The following GORASP1 variants were observed in gnomAD, a reference collection of about 807,000 sequenced individuals.
The protein encoded by GORASP1 is golgi reassembly stacking protein 1, also known as Golgi reassembly-stacking protein 1.
A neutral mutation model predicts 37.7 loss-of-function variants in GORASP1; 31 were observed. The ratio of observed to expected loss-of-function variants is 0.82; its 90% CI spans 0.62 to 1.11. The LOEUF is 1.11. GORASP1 is among the 50% of genes least tolerant of loss of function. GORASP1 has a pLI of 0.00. For missense variants in GORASP1, 476 were observed against 560.7 expected, an observed-to-expected ratio of 0.85 and a Z score of 1.53; for synonymous variants, 204 against 224.8, an observed-to-expected ratio of 0.91 and a Z score of 0.83.
At chr3:39,104,996 G>A (rs1389548047) in intron 1 of GORASP1, among the ~76,000 whole-genome samples, 1 of 152,146 alleles carries the variant, frequency 6.6e-6, no homozygotes, top group Non-Finnish European at 1.5e-5. Context: ...TCCACGTCAG[G>A]TGCCTGCCTA....
chr3:39,101,993 C>G (rs890371792), intron 3 of GORASP1, among the ~76,000 whole-genome samples: 1 of 152,162 alleles, frequency 6.6e-6, no homozygotes, highest in African/African-American at 2.4e-5. Context: ...CCAGAAAAAA[C>G]AGTATATTTA....
chr3:39,100,321 T>C lies in GORASP1; in HGVS notation c.749A>G (p.Gln250Arg), dbSNP rs2035613541. The change falls in exon 6 of 9, where the codon CAG (glutamine) becomes CGG (arginine). Residue 250 changes from glutamine (Q) to arginine (R), a missense_variant. Transcript: ENST00000319283. This position sits in a 1 kb window ranked among gnomAD's most constrained non-coding sequence, Gnocchi z 4.6. ...DSPSLETGSR[Q>R]SDYMEALLQA... The stretch of plus-strand genomic sequence containing the variant: ...CCCACATACCTCCATGTAGTCACTC[T>C]GCCTGGAACCTGTCTCCAGGGAAGG... The C allele has an allele frequency of 6.2e-7, 1 of 1,614,158 alleles. No individual in the cohort carries two copies. The highest frequency in any genetic ancestry group is 8.5e-7 in the Non-Finnish European group (1 of 1,180,000).
rs187841860 is a variant in GORASP1, at chr3:39,105,576, T to G, written c.63+1903A>C. Among the ~76,000 whole-genome samples, 609 of 152,272 alleles carry G rather than the reference T, an allele frequency of 4.0e-3. 3 individuals are homozygous for G. The highest frequency in any genetic ancestry group is 6.8e-3 in the Non-Finnish European group (461 of 68,016). On this transcript the variant is annotated intron_variant, in intron 1 of 8. Transcript: ENST00000319283. The surrounding 1 kb of genome is among the most constrained non-coding windows in gnomAD (Gnocchi z 5.4). The stretch of plus-strand genomic sequence containing the variant: ...CCACTGCCCTCTCCTAACAGCTGTT[T>G]CCTGGTGAATCTGCCACTACTCTAA...
Position 39,098,068 on chromosome 3 carries a change from G to T in GORASP1, c.*168C>A. 2 of 770,846 alleles carry T rather than the reference G, an allele frequency of 2.6e-6. No homozygotes were observed. The highest frequency in any genetic ancestry group is 4.1e-6 in the Non-Finnish European group (2 of 487,858). 47.8% of individuals were successfully genotyped at this position (770,846 alleles called of 1,614,324 possible). ...CAAGCACTGGACCTGAGGGTACACG[G>T]CCAAAAGATATCCTCCCACAAGGCC... On this transcript the variant is annotated 3_prime_UTR_variant, in exon 9 of 9. Transcript: ENST00000319283. This position sits in a 1 kb window ranked among gnomAD's most constrained non-coding sequence, Gnocchi z 4.7.
At position 39,098,234 on chromosome 3, in the gene GORASP1, T is replaced by G. The variant is rs1295077863; in HGVS notation, c.*2A>C. 1 of 1,613,376 alleles carries G rather than the reference T, an allele frequency of 6.2e-7. No homozygotes were observed. The highest frequency in any genetic ancestry group is 1.7e-5 in the Admixed American group (1 of 59,974). On this transcript the variant is annotated 3_prime_UTR_variant, in exon 9 of 9. Transcript: ENST00000319283. The surrounding 1 kb of genome is among the most constrained non-coding windows in gnomAD (Gnocchi z 4.7). ...TCATGGGCCTTGTCACAGCCCAGGG[T>G]GTTATTCTGTGGTAGAGATCTGGGC... is the stretch of plus-strand genomic sequence containing the variant.
chr3:39,100,681 G>A lies in GORASP1; in HGVS notation c.566+66C>T. ...TCCTCCATCTCCACCATAGAACTCT[G>A]AGGTCCATGCCCAATGGTCAGGCCC... On this transcript the variant is annotated intron_variant, in intron 5 of 8. Transcript: ENST00000319283. The surrounding 1 kb of genome is among the most constrained non-coding windows in gnomAD (Gnocchi z 4.6). The A allele has an allele frequency of 6.3e-7, 1 of 1,586,594 alleles. No homozygotes were observed. Among genetic ancestry groups the A allele is most frequent in the Non-Finnish European group, 8.6e-7 (1 of 1,166,152 alleles).
In GORASP1 at chr3:39,100,982, G is replaced by A. The variant is rs1361070386; in HGVS notation, c.435+34C>T. On this transcript the variant is annotated intron_variant, in intron 4 of 8. Transcript: ENST00000319283. This position sits in a 1 kb window ranked among gnomAD's most constrained non-coding sequence, Gnocchi z 4.6. ...CCCTTCTCTTCACACCACATCCAGA[G>A]GGTCTGGGGAGGGGCAAATTGCGGG... 1.2e-6 allele frequency: 2 copies of A among 1,613,640 alleles called. No individual in the cohort carries two copies. The highest frequency in any genetic ancestry group is 2.2e-5 in the South Asian group (2 of 91,076).
Position 39,098,095 on chromosome 3 carries a change from A to G in GORASP1, c.*141T>C, listed in dbSNP as rs1211149538. ...CAAAAGATATCCTCCCACAAGGCCC[A>G]TGGCCCCCTCTCACCACCCACTGAG... On this transcript the variant is annotated 3_prime_UTR_variant, in exon 9 of 9. Transcript: ENST00000319283. This position sits in a 1 kb window ranked among gnomAD's most constrained non-coding sequence, Gnocchi z 4.7. 4 of 981,774 alleles carry G rather than the reference A, an allele frequency of 4.1e-6. No homozygotes were observed. Among genetic ancestry groups the G allele is most frequent in the Non-Finnish European group, 6.0e-6 (4 of 663,720 alleles). 60.8% of individuals were successfully genotyped at this position (981,774 alleles called of 1,614,324 possible). A position where few individuals can be genotyped will look rare whatever the true frequency, so the allele number is the denominator to read the frequency against.
At position 39,098,161 on chromosome 3, in the gene GORASP1, T is replaced by C. The variant is rs2035450215; in HGVS notation, c.*75A>G. The C allele has an allele frequency of 2.0e-6, 3 of 1,530,186 alleles. No homozygotes were observed. Among genetic ancestry groups the C allele is most frequent in the Admixed American group, 1.8e-5 (1 of 55,870 alleles). 94.8% of individuals were successfully genotyped at this position (1,530,186 alleles called of 1,614,324 possible). A position where few individuals can be genotyped will look rare whatever the true frequency, so the allele number is the denominator to read the frequency against. ...AAAGCAGCAAGGAATCCTGACCGCATAGTGCAGCCCGGGCTGCCTGCCCAC... is the reference window on the plus strand; with the variant it reads ...AAAGCAGCAAGGAATCCTGACCGCACAGTGCAGCCCGGGCTGCCTGCCCAC... On this transcript the variant is annotated 3_prime_UTR_variant, in exon 9 of 9. Transcript: ENST00000319283. This position sits in a 1 kb window ranked among gnomAD's most constrained non-coding sequence, Gnocchi z 4.7.
In GORASP1 at chr3:39,098,976, C is replaced by T; in HGVS notation, c.917-83G>A. On this transcript the variant is annotated intron_variant, in intron 7 of 8. Transcript: ENST00000319283. This position sits in a 1 kb window ranked among gnomAD's most constrained non-coding sequence, Gnocchi z 4.7. ...CACCCTGGGCTCACCTTGCCTAGGG[C>T]ATCTGGCCCAGCCTGTGAGACTGTA... 1 of 1,538,046 alleles carries T rather than the reference C, an allele frequency of 6.5e-7. No individual in the cohort carries two copies. The highest frequency in any genetic ancestry group is 8.9e-7 in the Non-Finnish European group (1 of 1,126,164).
At position 39,100,429 on chromosome 3, in the gene GORASP1, G is replaced by A. The variant is rs1158547263; in HGVS notation, c.641C>T (p.Pro214Leu). 1 of 1,612,230 alleles carries A rather than the reference G, an allele frequency of 6.2e-7. No individual in the cohort carries two copies. Residue 214 changes from proline (P) to leucine (L), a missense_variant, in exon 6 of 9, where the codon CCT becomes CTT. Transcript: ENST00000319283. The surrounding 1 kb of genome is among the most constrained non-coding windows in gnomAD (Gnocchi z 4.6). ...TAGAGCAGAAGGTGGTGGGGTGCCA[G>A]GTGGCTTCTTGTGGTAGCTGGGGGG... ...TQPPSYHKKP[P>L]GTPPPSALPL...
At position 39,098,208 on chromosome 3, in the gene GORASP1, A is replaced by G; in HGVS notation, c.*28T>C. The G allele has an allele frequency of 6.2e-7, 1 of 1,607,062 alleles. No individual in the cohort carries two copies. The highest frequency in any genetic ancestry group is 8.5e-7 in the Non-Finnish European group (1 of 1,176,046). The stretch of plus-strand genomic sequence containing the variant: ...CCACATCTGGGCCTCATGAAATGTC[A>G]TCATGGGCCTTGTCACAGCCCAGGG... On this transcript the variant is annotated 3_prime_UTR_variant, in exon 9 of 9. Coordinates refer to ENST00000319283, the MANE Select transcript of GORASP1 (RefSeq NM_031899.4). The surrounding 1 kb of genome is among the most constrained non-coding windows in gnomAD (Gnocchi z 4.7).
At position 39,100,534 on chromosome 3, in the gene GORASP1, G is replaced by A. The variant is rs1371868764; in HGVS notation, c.567-31C>T. ...GAAGGCCAGAAACATTCAATCCAGGGGCTTGTCCCACGGCCCTCCCTACCT... is the reference window on the plus strand; with the variant it reads ...GAAGGCCAGAAACATTCAATCCAGGAGCTTGTCCCACGGCCCTCCCTACCT... On this transcript the variant is annotated intron_variant, in intron 5 of 8. Coordinates refer to ENST00000319283, the MANE Select transcript of GORASP1 (RefSeq NM_031899.4). The surrounding 1 kb of genome is among the most constrained non-coding windows in gnomAD (Gnocchi z 4.6). 6.5e-7 allele frequency: 1 copy of A among 1,534,690 alleles called. No individual in the cohort carries two copies. Among genetic ancestry groups the A allele is most frequent in the Non-Finnish European group, 8.8e-7 (1 of 1,142,570 alleles).
Position 39,100,916 on chromosome 3 carries a change from G to T in GORASP1, c.436-39C>A, listed in dbSNP as rs763358638. On this transcript the variant is annotated intron_variant, in intron 4 of 8. Transcript: ENST00000319283. The surrounding 1 kb of genome is among the most constrained non-coding windows in gnomAD (Gnocchi z 4.6). Reference sequence around the variant, plus strand: ...ATAGCACCTGAGGCCTGCTTCCAGGGCTAAAGCCTCAACAAAACCAGACAC... The same window carrying T: ...ATAGCACCTGAGGCCTGCTTCCAGGTCTAAAGCCTCAACAAAACCAGACAC... 6.2e-7 allele frequency: 1 copy of T among 1,613,890 alleles called. No homozygotes were observed. Among genetic ancestry groups the T allele is most frequent in the Non-Finnish European group, 8.5e-7 (1 of 1,179,884 alleles).
Position 39,098,592 on chromosome 3 carries a change from G to GCA in GORASP1, c.1070-104_1070-103insTG. On this transcript the variant is annotated intron_variant, in intron 8 of 8. Transcript: ENST00000319283. The surrounding 1 kb of genome is among the most constrained non-coding windows in gnomAD (Gnocchi z 4.7). ...CGCTCCCCATTGCCACTCCAGGTTT[G>GCA]ATGGGGGATTGGAGATGGAGTGTAC... is the stretch of plus-strand genomic sequence containing the variant. 1 of 1,505,464 alleles carries GCA rather than the reference G, an allele frequency of 6.6e-7. No homozygotes were observed. The allele number at this position is 1,505,464 out of a possible 1,614,324, so 93.3% of individuals were successfully genotyped here.
Position 39,107,554 on chromosome 3 carries a change from G to C in GORASP1, c.-13C>G. On this transcript the variant is annotated 5_prime_UTR_variant, in exon 1 of 9. Coordinates refer to ENST00000319283, the MANE Select transcript of GORASP1 (RefSeq NM_031899.4). ...CGCCCAGGCCCATGGCAGCGGCTCC[G>C]CTCGGCACCCAGGTCCAGTCCCGCT... 2 of 1,488,256 alleles carry C rather than the reference G, an allele frequency of 1.3e-6. No individual in the cohort carries two copies. Among genetic ancestry groups the C allele is most frequent in the Middle Eastern group, 1.8e-4 (1 of 5,522 alleles). The allele number at this position is 1,488,256 out of a possible 1,614,324, so 92.2% of individuals were successfully genotyped here.
At position 39,102,894 on chromosome 3, in the gene GORASP1, T is replaced by C. The variant is rs2035810764; in HGVS notation, c.145-13A>G. On this transcript the variant is annotated splice_polypyrimidine_tract_variant and intron_variant, in intron 2 of 8. Transcript: ENST00000319283. This position sits in a 1 kb window ranked among gnomAD's most constrained non-coding sequence, Gnocchi z 5.0. ...CATTCTCCTTGTTCTGTGGGGGCAA[T>C]GGGGCTGACTCCAAGGCCACCTCAT... 1 of 1,613,130 alleles carries C rather than the reference T, an allele frequency of 6.2e-7. No homozygotes were observed. The highest frequency in any genetic ancestry group is 8.5e-7 in the Non-Finnish European group (1 of 1,179,072).
rs952011797 is a variant in GORASP1 at position 39,101,082 on chromosome 3, A to G, written c.369T>C (p.Pro123=). ...AGGGGCGCAGGCCGGCAAGGGCAGC[A>G]GGTGAAGATGGTTCCACATCCTGGG... ...WHVLDVEPSS[P]AALAGLRPYT... The change falls in exon 4 of 9, where the codon CCT becomes CCC. Residue 123 remains proline, a synonymous_variant. Transcript: ENST00000319283. 6.2e-7 allele frequency: 1 copy of G among 1,614,170 alleles called. No individual in the cohort carries two copies. The highest frequency in any genetic ancestry group is 1.3e-5 in the African/African-American group (1 of 75,060).
In GORASP1 at chr3:39,100,149, T is replaced by G. The variant is rs1377903267; in HGVS notation, c.765+156A>C. 6.6e-6 allele frequency among the ~76,000 whole-genome samples: 1 copy of G among 152,258 alleles called. No homozygotes were observed. Among genetic ancestry groups the G allele is most frequent in the African/African-American group, 2.4e-5 (1 of 41,456 alleles). On this transcript the variant is annotated intron_variant, in intron 6 of 8. Transcript: ENST00000319283. The surrounding 1 kb of genome is among the most constrained non-coding windows in gnomAD (Gnocchi z 4.6). ...GGGGCAGGAAAGCCAAAAGTGAGTT[T>G]CACTGCTCCAGGCATGGCCTGCCTG...
Sources: gnomAD v4.1 joint callset for allele counts (sites outside exome capture counted in the v4.1 genomes callset) on GRCh38, gnomAD v4.1.1 for gene constraint, Gnocchi (gnomAD v3.1) non-coding constraint, MANE v1.5 for transcripts, NCBI Gene and HGNC (gene_info 2026-07-23, HGNC 2026-07-21) for gene names.